Variants in NARS1 observed in about 807,000 individuals in gnomAD.
NARS1 encodes asparaginyl-tRNA synthetase 1, also known as asparagine--tRNA ligase, cytoplasmic.
Under a neutral mutation model 79.2 loss-of-function variants are expected in NARS1, and 65 were observed. That is an observed-to-expected ratio of 0.82 (90% CI 0.67 to 1.01). The LOEUF (loss-of-function observed/expected upper bound fraction) is 1.01, where lower values mean the gene tolerates loss of function less well. NARS1 is among the 50% of genes least tolerant of loss of function. NARS1 has a pLI of 0.00. For missense variants in NARS1, 649 were observed against 673.8 expected (o/e 0.96, Z 0.41); for synonymous variants, 229 against 238.8 (o/e 0.96, Z 0.38).
At chr18:57,621,594 A>G (rs760731958) in intron 1 of NARS1, 114 bp downstream of exon 1, 7 of 565,794 alleles carry the variant, frequency 1.2e-5, no homozygotes, top group Admixed American at 2.0e-5. Context: ...TCGGTCCCCA[A>G]ACATTCGCGG....
At chr18:57,619,947 C>G (rs576134947) in intron 2 of NARS1, among the ~76,000 whole-genome samples, 2 of 152,306 alleles carry the variant, frequency 1.3e-5, no homozygotes, top group African/African-American at 4.8e-5. Flanking sequence ...CCCGGCCTCC[C>G]AAAGTGTTGA....
Position 57,605,840 on chromosome 18 carries a change from G to A in NARS1, c.1251+17C>T, listed in dbSNP as rs1568163051. ...CCCAATCCCACCTTGGAAACAATGAGAGAAAGGGATACATACTTCTCCAAA... is the reference window on the plus strand; with the variant it reads ...CCCAATCCCACCTTGGAAACAATGAAAGAAAGGGATACATACTTCTCCAAA... On this transcript the variant is annotated intron_variant, in intron 11 of 13. Coordinates refer to ENST00000256854, the MANE Select transcript of NARS1 (RefSeq NM_004539.4). 4 of 1,524,846 alleles carry A rather than the reference G, an allele frequency of 2.6e-6. No homozygotes were observed. The highest frequency in any genetic ancestry group is 3.5e-5 in the Admixed American group (2 of 56,426). The allele number at this position is 1,524,846 out of a possible 1,614,324, so 94.5% of individuals were successfully genotyped here. A position where few individuals can be genotyped will look rare whatever the true frequency, so the allele number is the denominator to read the frequency against.
rs1228983938 is a variant in NARS1 at position 57,600,977 on chromosome 18, T to C, written c.*675A>G. On this transcript the variant is annotated 3_prime_UTR_variant, in exon 14 of 14. Coordinates refer to ENST00000256854, the MANE Select transcript of NARS1 (RefSeq NM_004539.4). ...TGCTAAGAGGGATACTGTGAATCACTAAAAAACTCTCCCCAAAATTATGTT... is the reference window on the plus strand; with the variant it reads ...TGCTAAGAGGGATACTGTGAATCACCAAAAAACTCTCCCCAAAATTATGTT... 1 of 152,222 alleles carries C rather than the reference T, an allele frequency of 6.6e-6. No homozygotes were observed. The highest frequency in any genetic ancestry group is 1.5e-5 in the Non-Finnish European group (1 of 68,030). 9.4% of individuals were successfully genotyped at this position (152,222 alleles called of 1,614,324 possible).
chr18:57,618,671 G>A (rs1908163905), intron 2 of NARS1, among the ~76,000 whole-genome samples: 1 of 151,812 alleles, frequency 6.6e-6, no homozygotes, highest in Non-Finnish European at 1.5e-5. Flanking sequence ...GGAGGCCAAG[G>A]CAGCAGGATT....
chr18:57,620,885 G>A (rs1157259391), intron 1 of NARS1, among the ~76,000 whole-genome samples: 1 of 152,158 alleles, frequency 6.6e-6, no homozygotes, highest in African/African-American at 2.4e-5. Context: ...TTTAATTTGT[G>A]ATATTTATTC....
chr18:57,617,603 G>A (rs113801787), intron 2 of NARS1, among the ~76,000 whole-genome samples: 2,440 of 138,488 alleles, frequency 0.018, 61 homozygotes, highest in African/African-American at 0.053. Flanking sequence ...AATAGAGAAG[G>A]AAGGAATCTG....
In NARS1 at chr18:57,613,610, C is replaced by A. The variant is rs750043839; in HGVS notation, c.413G>T (p.Arg138Leu). The A allele has an allele frequency of 2.5e-6, 4 of 1,613,574 alleles. No homozygotes were observed. Among genetic ancestry groups the A allele is most frequent in the South Asian group, 1.1e-5 (1 of 91,032 alleles). Residue 138 changes from arginine (R) to leucine (L), a missense_variant, in exon 5 of 14, where the codon CGC becomes CTC. Transcript: ENST00000256854. Reference sequence around the variant, plus strand: ...AAAGCTTTGCCATTTACCTTGCCTGCGCAGCCTGTGGACCCAGCCAAACAC... The same window carrying A: ...AAAGCTTTGCCATTTACCTTGCCTGAGCAGCCTGTGGACCCAGCCAAACAC... The part of the protein sequence containing the change: ...VKVFGWVHRL[R>L]RQGKNLMFLV...
At chr18:57,613,830 C>T (rs1482618185) in intron 4 of NARS1, 150 bp from the exon 5 acceptor site, 15 of 625,816 alleles carry the variant, frequency 2.4e-5, no homozygotes, top group Admixed American at 3.1e-5. Context: ...CAGAACCAAA[C>T]GCATTTCACT....
In NARS1 at chr18:57,613,259, C is replaced by T. The variant is rs142110300; in HGVS notation, c.421+343G>A. Among the ~76,000 whole-genome samples, 931 of 151,666 alleles carry T rather than the reference C, an allele frequency of 6.1e-3. 23 individuals are homozygous for T. The highest frequency in any genetic ancestry group is 0.061 in the East Asian group (313 of 5,158). On this transcript the variant is annotated intron_variant, in intron 5 of 13. Coordinates refer to ENST00000256854, the MANE Select transcript of NARS1 (RefSeq NM_004539.4). ...CTGTAATCCCAGCACTTTGGGAGGCCAAGACAGTGGATCACCTGAGGCCAG... is the reference window on the plus strand; with the variant it reads ...CTGTAATCCCAGCACTTTGGGAGGCTAAGACAGTGGATCACCTGAGGCCAG...
At position 57,601,616 on chromosome 18, in the gene NARS1, TTCA is replaced by T; in HGVS notation, c.*33_*35del. On this transcript the variant is annotated 3_prime_UTR_variant, in exon 14 of 14. Coordinates refer to ENST00000256854, the MANE Select transcript of NARS1 (RefSeq NM_004539.4). ...TTTCTTTTTTAAAGAGCCTGTTCCTTTCATAATCTTTCCTCCACGCTTCTGGAG... is the reference window on the plus strand; with the variant it reads ...TTTCTTTTTTAAAGAGCCTGTTCCTTTAATCTTTCCTCCACGCTTCTGGAG... 6.2e-7 allele frequency: 1 copy of T among 1,604,206 alleles called. No individual in the cohort carries two copies. The highest frequency in any genetic ancestry group is 1.1e-5 in the South Asian group (1 of 90,478).
intron 2 of NARS1, among the ~76,000 whole-genome samples, chr18:57,616,871 G>A (rs1334464243): frequency 1.0e-4 from 15 of 148,752 alleles, no homozygotes; most frequent in Admixed American, 4.0e-4. Flanking sequence ...GTGTGGTGGC[G>A]GGCGCCTGTA....
In NARS1 at chr18:57,601,914, A is replaced by G. The variant is rs2051510717; in HGVS notation, c.1516-131T>C. ...TAAGAATTCAACTATGGCCAGATTC[A>G]GTGGCTCGTGCCTGTAATCCCAGCA... On this transcript the variant is annotated intron_variant, in intron 13 of 13. Transcript: ENST00000256854. 8 of 882,584 alleles carry G rather than the reference A, an allele frequency of 9.1e-6. No individual in the cohort carries two copies. In the East Asian group the frequency reaches 2.0e-4, roughly 22 times the overall value. The allele number at this position is 882,584 out of a possible 1,614,324, so 54.7% of individuals were successfully genotyped here. A position where few individuals can be genotyped will look rare whatever the true frequency, so the allele number is the denominator to read the frequency against.
intron 2 of NARS1, among the ~76,000 whole-genome samples, chr18:57,616,890 A>G (rs1446526669): frequency 7.7e-6 from 1 of 129,910 alleles, no homozygotes; most frequent in African/African-American, 2.9e-5. Context: ...TAGAGCTTGC[A>G]GTGAGCTGAG....
Position 57,607,649 on chromosome 18 carries a change from T to A in NARS1, c.596A>T (p.Glu199Val), listed in dbSNP as rs2051570750. The A allele has an allele frequency of 6.2e-7, 1 of 1,612,878 alleles. No homozygotes were observed. Among genetic ancestry groups the A allele is most frequent in the Non-Finnish European group, 8.5e-7 (1 of 1,179,094 alleles). Residue 199 changes from glutamate (E) to valine (V), a missense_variant, in exon 8 of 14, where the codon GAG becomes GTG. By Grantham distance (121) the Glu-to-Val change is moderately radical. Transcript: ENST00000256854. ...PKGKQAPGGH[E>V]LSCDFWELIG... ...TAGTTCCCAGAAGTCACAACTCAGC[T>A]CATGGCCACCTGGAGCCTGCATTTT...
Position 57,602,492 on chromosome 18 carries a change from A to T in NARS1, c.1384-6T>A. 6.2e-7 allele frequency: 1 copy of T among 1,613,612 alleles called. No homozygotes were observed. The highest frequency in any genetic ancestry group is 1.1e-5 in the South Asian group (1 of 91,022). On this transcript the variant is annotated splice_region_variant and splice_polypyrimidine_tract_variant and intron_variant, in intron 12 of 13. Coordinates refer to ENST00000256854, the MANE Select transcript of NARS1 (RefSeq NM_004539.4). ...TTGGGCATCAACACGTCGACCTTTA[A>T]ATATAAGTGAAAGAAGATACACAAT...
At chr18:57,613,946 AAATT>A (rs1362387033) in intron 4 of NARS1, among the ~76,000 whole-genome samples, 1 of 152,204 alleles carries the variant, frequency 6.6e-6, no homozygotes, top group African/African-American at 2.4e-5. Flanking sequence ...TTGCTAGATA[AAATT>A]AATTAATAAA....
intron 2 of NARS1, 68 bp downstream of exon 2, chr18:57,620,501 G>T: frequency 1.8e-6 from 2 of 1,108,118 alleles, no homozygotes; most frequent in Non-Finnish European, 2.7e-6. Flanking sequence ...TTCTTGGCAA[G>T]TCACAAGAAA....
Position 57,615,927 on chromosome 18 carries a change from A to T in NARS1, c.142T>A (p.Ser48Thr). 6.2e-7 allele frequency: 1 copy of T among 1,613,162 alleles called. No homozygotes were observed. ...TTCCACCTCTCATTTTCTTTTTGTG[A>T]ATCTACGTAAATGGTAGGAAATGGT... ...KEPFPTIYVD[S>T]QKENERWNVI... is the part of the protein sequence containing the mutation. Residue 48 changes from serine to threonine, a missense_variant, in exon 3 of 14, where the codon TCA becomes ACA. Transcript: ENST00000256854.
At chr18:57,602,320 A>C (rs1217432879) in intron 13 of NARS1, 35 bp downstream of exon 13, 1 of 1,592,156 alleles carries the variant, frequency 6.3e-7, no homozygotes, top group African/African-American at 1.3e-5. Context: ...ATTACAGTGG[A>C]AAAAAATGTT....
Sources: allele counts gnomAD v4.1 joint callset (sites outside exome capture counted in the v4.1 genomes callset), GRCh38; gene constraint gnomAD v4.1.1; transcripts MANE v1.5; gene names NCBI Gene and HGNC (gene_info 2026-07-23, HGNC 2026-07-21).